The following CCDC38 variants were observed in gnomAD, a reference collection of about 807,000 sequenced individuals.
CCDC38 encodes the protein coiled-coil domain containing 38, also known as coiled-coil domain-containing protein 38.
Under a neutral mutation model 72.8 loss-of-function variants are expected in CCDC38, and 69 were observed. The observed-to-expected ratio is 0.95, with a 90% confidence interval of 0.78 to 1.16. The LOEUF is 1.16. Ranked by LOEUF, CCDC38 falls within the 50% of genes most tolerant of loss-of-function variation. The pLI, the probability that CCDC38 is intolerant of heterozygous loss-of-function variation, is 0.00. For synonymous variants in CCDC38, 201 were observed against 213.2 expected (o/e 0.94, Z 0.50); for missense variants, 626 against 638.9 (o/e 0.98, Z 0.22).
At chr12:95,930,156 G>A (rs553141615) in intron 2 of CCDC38, among the ~76,000 whole-genome samples, 4 of 152,190 alleles carry the variant, frequency 2.6e-5, no homozygotes, top group African/African-American at 9.6e-5. Flanking sequence ...TATTCAACCC[G>A]CTACACCAAA....
At chr12:95,914,252 A>C (rs764961823) in intron 4 of CCDC38, among the ~76,000 whole-genome samples, 2 of 152,332 alleles carry the variant, frequency 1.3e-5, no homozygotes, top group South Asian at 4.1e-4. Flanking sequence ...TAAACCTTGG[A>C]GACAGATTTT....
intron 4 of CCDC38, among the ~76,000 whole-genome samples, chr12:95,908,449 G>GT (rs1345445555): frequency 0.017 from 6 of 350 alleles, no homozygotes; most frequent in African/African-American, 0.086. Flanking sequence ...TGGAAAGAGG[G>GT]AGAGGGAGAG....
At chr12:95,912,426 TAG>T (rs1352657748) in intron 4 of CCDC38, among the ~76,000 whole-genome samples, 1 of 151,066 alleles carries the variant, frequency 6.6e-6, no homozygotes, top group Non-Finnish European at 1.5e-5. Flanking sequence ...CTCATAGAAG[TAG>T]AGAGTAGAAT....
At chr12:95,937,194 G>A (rs1422013438) in intron 1 of CCDC38, among the ~76,000 whole-genome samples, 1 of 152,132 alleles carries the variant, frequency 6.6e-6, no homozygotes, top group African/African-American at 2.4e-5. Flanking sequence ...TATCAAAATT[G>A]TAAATACGGA....
At chr12:95,878,113 A>T in intron 13 of CCDC38, 98 bp downstream of exon 13, 1 of 1,375,680 alleles carries the variant, frequency 7.3e-7, no homozygotes, top group South Asian at 1.3e-5. Context: ...AGGACTTGTG[A>T]TTTGCTTTAA....
intron 11 of CCDC38, 105 bp downstream of exon 11, chr12:95,881,380 T>C (rs907950724): frequency 1.3e-6 from 1 of 797,540 alleles, no homozygotes; most frequent in African/African-American, 1.8e-5. Context: ...TTCTGGAAGG[T>C]TTGTGCAATA....
chr12:95,918,282 C>T (rs79634942), intron 3 of CCDC38, among the ~76,000 whole-genome samples: 2 of 151,998 alleles, frequency 1.3e-5, no homozygotes, highest in East Asian at 1.9e-4. Flanking sequence ...AAAACAACAC[C>T]CCCTCCTCTA....
chr12:95,919,905 T>A (rs1042602415), intron 2 of CCDC38, among the ~76,000 whole-genome samples: 6 of 152,182 alleles, frequency 3.9e-5, no homozygotes, highest in African/African-American at 1.4e-4. Flanking sequence ...AGTGGGGCAG[T>A]CACTTTGGAA....
chr12:95,879,733 C>T lies in CCDC38; in HGVS notation c.1053G>A (p.Glu351=), dbSNP rs750909066. Residue 351 remains glutamate, a synonymous_variant, in exon 12 of 16, where the codon GAG becomes GAA. Transcript: ENST00000344280. The surrounding 1 kb of genome is among the most constrained non-coding windows in gnomAD (Gnocchi z 5.5). ...ELLQVLRELE[E]QNLTLFQYSQ... ...AATATTGAAACAAAGTAAGATTCTG[C>T]TCTTCCAGCTCTCTGAGGACTTGAA... 1 of 1,612,064 alleles carries T rather than the reference C, an allele frequency of 6.2e-7. No homozygotes were observed. Among genetic ancestry groups the T allele is most frequent in the South Asian group, 1.1e-5 (1 of 90,916 alleles).
chr12:95,889,023 A>G (rs2079792473), intron 9 of CCDC38: 1 of 142,164 alleles, frequency 7.0e-6, no homozygotes, highest in Non-Finnish European at 1.4e-5. Flanking sequence ...TATTATTATT[A>G]TTGTCTCAGC....
Position 95,888,445 on chromosome 12 carries a change from G to GTA in CCDC38, c.920+11_920+12dup. The GTA allele has an allele frequency of 6.2e-7, 1 of 1,612,462 alleles. No individual in the cohort carries two copies. The highest frequency in any genetic ancestry group is 1.7e-4 in the Middle Eastern group (1 of 6,038). ...CCCAGTTTCCAAGGGAGTTAGTCAA[G>GTA]TATATACTGTACTTTGATTTCTTTT... On this transcript the variant is annotated intron_variant, in intron 10 of 15. Coordinates refer to ENST00000344280, the MANE Select transcript of CCDC38 (RefSeq NM_182496.3).
intron 4 of CCDC38, among the ~76,000 whole-genome samples, chr12:95,915,893 T>C (rs1442678317): frequency 6.6e-6 from 1 of 152,212 alleles, no homozygotes; most frequent in Non-Finnish European, 1.5e-5. Context: ...CCAAGACACC[T>C]ACTTTTAAGA....
At chr12:95,920,361 A>T (rs543962409) in intron 2 of CCDC38, among the ~76,000 whole-genome samples, 1 of 152,302 alleles carries the variant, frequency 6.6e-6, no homozygotes, top group African/African-American at 2.4e-5. Flanking sequence ...GGCCTCCCCA[A>T]CCATATGGAA....
At chr12:95,901,942 T>C (rs1050064538) in intron 5 of CCDC38, among the ~76,000 whole-genome samples, 2 of 152,128 alleles carry the variant, frequency 1.3e-5, no homozygotes, top group African/African-American at 4.8e-5. Flanking sequence ...TGGTATGTAA[T>C]GTGATATCTA....
chr12:95,898,279 A>G, intron 7 of CCDC38, 106 bp downstream of exon 7: 1 of 1,099,752 alleles, frequency 9.1e-7, no homozygotes, highest in South Asian at 1.3e-5. Context: ...TACTTATGAC[A>G]TCATCAACTG....
intron 9 of CCDC38, chr12:95,889,034 T>A (rs917272357): frequency 8.9e-5 from 2 of 22,424 alleles, no homozygotes; most frequent in Non-Finnish European, 2.0e-4. Context: ...TTGTCTCAGC[T>A]TTTTTTTTTT....
At chr12:95,906,520 C>T in intron 4 of CCDC38, 69 bp from the exon 5 acceptor site, 2 of 1,080,572 alleles carry the variant, frequency 1.9e-6, no homozygotes, top group Non-Finnish European at 2.8e-6. Context: ...AAAATAAAAG[C>T]CATATAATTA....
intron 2 of CCDC38, among the ~76,000 whole-genome samples, chr12:95,931,108 T>G (rs2080332817): frequency 6.6e-6 from 1 of 152,160 alleles, no homozygotes; most frequent in Non-Finnish European, 1.5e-5. Flanking sequence ...AGGCCAGAAG[T>G]CTGAAATGAG....
chr12:95,872,148 A>T, intron 14 of CCDC38, 107 bp downstream of exon 14: 1 of 958,152 alleles, frequency 1.0e-6, no homozygotes, highest in Non-Finnish European at 1.6e-6. Context: ...ATTCCTCCTC[A>T]CTGTGTCCCT....
Sources: allele counts gnomAD v4.1 joint callset (sites outside exome capture counted in the v4.1 genomes callset), GRCh38; gene constraint gnomAD v4.1.1; non-coding constraint Gnocchi (gnomAD v3.1); transcripts MANE v1.5; gene names NCBI Gene and HGNC (gene_info 2026-07-23, HGNC 2026-07-21).